ACKR3: variants seen among roughly 807,000 people sequenced by gnomAD.
The protein encoded by ACKR3 is atypical chemokine receptor 3, also known as C-X-C chemokine receptor type 7.
A neutral mutation model predicts 22.4 loss-of-function variants in ACKR3; 6 were observed. That is an observed-to-expected ratio of 0.27 (90% CI 0.15 to 0.53). ACKR3 has a LOEUF of 0.53. Among genes scored for constraint, ACKR3 ranks in the 20% least tolerant of loss-of-function variants. The pLI, the probability that ACKR3 is intolerant of heterozygous loss-of-function variation, is 0.96. For synonymous variants in ACKR3, 209 were observed against 205.2 expected (o/e 1.02, Z -0.16); for missense variants, 396 against 475.2 (o/e 0.83, Z 1.55).
chr2:236,580,905 C>G lies in ACKR3; in HGVS notation c.440C>G (p.Thr147Ser), dbSNP rs1173730379. ...AGCGTGGACCGCTACCTCTCCATCACCTACTTCACCAACACCCCCAGCAGC... is the reference window on the plus strand; with the variant it reads ...AGCGTGGACCGCTACCTCTCCATCAGCTACTTCACCAACACCCCCAGCAGC... ...CMSVDRYLSITYFTNTPSSRK... is the reference protein window; with the variant it reads ...CMSVDRYLSISYFTNTPSSRK... Residue 147 changes from threonine to serine, a missense_variant, in exon 2 of 2, where the codon ACC becomes AGC. Thr to Ser is a moderately conservative substitution (Grantham distance 58, BLOSUM62 1). Transcript: ENST00000272928. 6 of 1,614,198 alleles carry G rather than the reference C, an allele frequency of 3.7e-6. No homozygotes were observed. The South Asian group carries it at 5.5e-5, about 15-fold the overall frequency.
At chr2:236,541,351 A>G in the ACKR3 span, among the ~76,000 whole-genome samples, 7 of 152,348 alleles carry the variant, frequency 4.6e-5, no homozygotes, top group African/African-American at 1.7e-4. Context: ...CGTGTGGTTC[A>G]TGAAACATCC....
chr2:236,543,014 T>C, the ACKR3 span, among the ~76,000 whole-genome samples: 1 of 122,566 alleles, frequency 8.2e-6, no homozygotes, highest in Non-Finnish European at 1.6e-5. Flanking sequence ...GGACTACAAA[T>C]TCATTGTGGA....
rs1691555812 is a variant in ACKR3, at chr2:236,582,146, G to A, written c.*592G>A. 6.0e-6 allele frequency: 1 copy of A among 166,472 alleles called. No homozygotes were observed. Among genetic ancestry groups the A allele is most frequent in the South Asian group, 2.1e-4 (1 of 4,818 alleles). The allele number at this position is 166,472 out of a possible 1,614,324, so 10.3% of individuals were successfully genotyped here. ...TTATTTACCATAGTTTTATATCTGTGTGGTGTTTTGTACCGGCACGGGATA... is the reference window on the plus strand; with the variant it reads ...TTATTTACCATAGTTTTATATCTGTATGGTGTTTTGTACCGGCACGGGATA... On this transcript the variant is annotated 3_prime_UTR_variant, in exon 2 of 2. Transcript: ENST00000272928.
At chr2:236,550,001 C>A in the ACKR3 span, among the ~76,000 whole-genome samples, 1 of 152,202 alleles carries the variant, frequency 6.6e-6, no homozygotes, top group African/African-American at 2.4e-5. This position sits in a 1 kb window ranked among gnomAD's most constrained non-coding sequence, Gnocchi z 4.6. Flanking sequence ...AGGCTGCCTG[C>A]TGTGGGCAGG....
chr2:236,580,593 T>C lies in ACKR3; in HGVS notation c.128T>C (p.Leu43Pro). 1 of 1,613,186 alleles carries C rather than the reference T, an allele frequency of 6.2e-7. No individual in the cohort carries two copies. Among genetic ancestry groups the C allele is most frequent in the South Asian group, 1.1e-5 (1 of 91,018 alleles). Residue 43 changes from leucine to proline, a missense_variant, in exon 2 of 2, where the codon CTG becomes CCG. Transcript: ENST00000272928. The part of the protein sequence containing the change: ...MCPNMPNKSV[L>P]LYTLSFIYIF... Reference sequence around the variant, plus strand: ...CCCAACATGCCCAACAAAAGCGTCCTGCTCTACACGCTCTCCTTCATTTAC... The same window carrying C: ...CCCAACATGCCCAACAAAAGCGTCCCGCTCTACACGCTCTCCTTCATTTAC...
chr2:236,539,205 G>A, the ACKR3 span, among the ~76,000 whole-genome samples: 1 of 151,418 alleles, frequency 6.6e-6, no homozygotes, highest in Non-Finnish European at 1.5e-5. Flanking sequence ...TGTCTATTGT[G>A]AATAATACTT....
At chr2:236,538,718 G>GGTTGCCAAAAAA in the ACKR3 span, among the ~76,000 whole-genome samples, 1 of 152,068 alleles carries the variant, frequency 6.6e-6, no homozygotes, top group Non-Finnish European at 1.5e-5. Flanking sequence ...ATAAAATACA[G>GGTTGCCAAAAAA]ACTGCCTAAT....
chr2:236,557,078 A>G, the ACKR3 span, among the ~76,000 whole-genome samples: 1 of 152,246 alleles, frequency 6.6e-6, no homozygotes, highest in Admixed American at 6.5e-5. Context: ...GACTGAGCAA[A>G]TAAATAATTA....
intron 1 of ACKR3, among the ~76,000 whole-genome samples, chr2:236,580,012 A>G (rs1038038842): frequency 3.3e-5 from 5 of 152,238 alleles, no homozygotes; most frequent in Admixed American, 2.6e-4. Context: ...CAACCCTGCC[A>G]TTCTTTGGGG....
chr2:236,567,698 G>T (rs1330551307), upstream of ACKR3: 1 of 152,286 alleles, frequency 6.6e-6, no homozygotes, highest in South Asian at 2.1e-4. Flanking sequence ...CCCCGCTGGC[G>T]CTTGGTCCGC....
chr2:236,568,281 C>T (rs1415451874), upstream of ACKR3, among the ~76,000 whole-genome samples: 6 of 152,228 alleles, frequency 3.9e-5, no homozygotes, highest in Admixed American at 3.9e-4. Context: ...AAAGCGGAAA[C>T]CGAGCTGCAG....
the ACKR3 span, among the ~76,000 whole-genome samples, chr2:236,538,111 C>CAATATACAT: frequency 1.3e-5 from 2 of 151,804 alleles, no homozygotes; most frequent in African/African-American, 2.4e-5. Context: ...GCGTGAAAAG[C>CAATATACAT]AATATACATA....
At chr2:236,555,665 T>A in the ACKR3 span, among the ~76,000 whole-genome samples, 3 of 152,148 alleles carry the variant, frequency 2.0e-5, no homozygotes, top group East Asian at 5.8e-4. Context: ...AGCCCCTGGT[T>A]CCTGTCATTC....
the ACKR3 span, among the ~76,000 whole-genome samples, chr2:236,554,047 T>C: frequency 6.6e-6 from 1 of 152,172 alleles, no homozygotes; most frequent in African/African-American, 2.4e-5. Context: ...CTCACGAGCC[T>C]CAGGGCTGTG....
At position 236,577,308 on chromosome 2, in the gene ACKR3, G is replaced by A. The variant is rs965152087; in HGVS notation, c.-26-3132G>A. 4.6e-5 allele frequency among the ~76,000 whole-genome samples: 7 copies of A among 152,300 alleles called. No individual in the cohort carries two copies. In the East Asian group the frequency reaches 9.7e-4, roughly 21 times the overall value. On this transcript the variant is annotated intron_variant, in intron 1 of 1. Coordinates refer to ENST00000272928, the MANE Select transcript of ACKR3 (RefSeq NM_020311.3). The surrounding 1 kb of genome is among the most constrained non-coding windows in gnomAD (Gnocchi z 5.6). ...AGGACAGAGGCGAGGACGGCTGAGC[G>A]GGGAAGTGCCTATCTCAGAAATACT...
upstream of ACKR3, among the ~76,000 whole-genome samples, chr2:236,564,411 C>T (rs1691139381): frequency 6.6e-6 from 1 of 152,144 alleles, no homozygotes; most frequent in Non-Finnish European, 1.5e-5. Context: ...TTTGTTTGTG[C>T]ATTTTGCTCA....
At chr2:236,563,444 A>C (rs1385942035), upstream of ACKR3, among the ~76,000 whole-genome samples, 3 of 152,120 alleles carry the variant, frequency 2.0e-5, no homozygotes, top group Admixed American at 1.3e-4. Flanking sequence ...TGCCACGAAA[A>C]AATAGGATAA....
At chr2:236,563,718 T>G (rs927107257), upstream of ACKR3, among the ~76,000 whole-genome samples, 1 of 152,124 alleles carries the variant, frequency 6.6e-6, no homozygotes, top group Non-Finnish European at 1.5e-5. Flanking sequence ...GGTGTTGCTG[T>G]TCCCAGATTC....
the ACKR3 span, among the ~76,000 whole-genome samples, chr2:236,561,122 A>T: frequency 1.3e-5 from 2 of 152,208 alleles, no homozygotes; most frequent in Non-Finnish European, 1.5e-5. Flanking sequence ...AGAATCAAAG[A>T]GTGGAATGAT....
Sources: gnomAD v4.1 joint callset for allele counts (sites outside exome capture counted in the v4.1 genomes callset) on GRCh38, gnomAD v4.1.1 for gene constraint, Gnocchi (gnomAD v3.1) non-coding constraint, MANE v1.5 for transcripts, NCBI Gene and HGNC (gene_info 2026-07-23, HGNC 2026-07-21) for gene names.